PHKA1: variants seen among roughly 807,000 people sequenced by gnomAD.
The protein encoded by PHKA1 is phosphorylase kinase regulatory subunit alpha 1.
In PHKA1, 60 loss-of-function variants were observed where a neutral mutation model predicts 110.2. The ratio of observed to expected loss-of-function variants is 0.54; its 90% CI spans 0.44 to 0.68. The LOEUF (loss-of-function observed/expected upper bound fraction) is 0.68, where lower values mean the gene tolerates loss of function less well. PHKA1 is among the 30% of genes least tolerant of loss of function. The pLI, the probability that PHKA1 is intolerant of heterozygous loss-of-function variation, is 0.00. For synonymous variants in PHKA1, 316 were observed against 333.6 expected, an observed-to-expected ratio of 0.95 and a Z score of 0.58; for missense variants, 801 against 942.5, an observed-to-expected ratio of 0.85 and a Z score of 1.97.
intron 31 of PHKA1, 66 bp from the exon 32 acceptor site, chrX:72,581,241 G>T: frequency 2.9e-6 from 2 of 697,086 alleles, no homozygotes; most frequent in Non-Finnish European, 4.7e-6. Flanking sequence ...ACTAAGTAAA[G>T]TCCTGATTAG....
rs1556280161 is a variant in PHKA1, at chrX:72,623,254, T to C, written c.1815A>G (p.Ser605=). 1 of 1,208,222 alleles carries C rather than the reference T, an allele frequency of 8.3e-7. No individual in the cohort carries two copies. Among genetic ancestry groups the C allele is most frequent in the Non-Finnish European group, 1.1e-6 (1 of 894,175 alleles). Residue 605 remains serine (S), a synonymous_variant, in exon 18 of 32, where the codon TCA becomes TCG. Transcript: ENST00000373542. ...TGCAACAAGATGTTGTCAAAAACTC[T>C]GACAATTTACCTGTTTGAACCCTAA... ...GGARVQTGKL[S]EFLTTSCCTH... is the part of the protein sequence containing the mutation.
chrX:72,609,681 T>C lies in PHKA1; in HGVS notation c.2549A>G (p.His850Arg), dbSNP rs1220903108. The C allele has an allele frequency of 3.3e-6, 4 of 1,201,138 alleles. No individual in the cohort carries two copies. Among genetic ancestry groups the C allele is most frequent in the Non-Finnish European group, 1.1e-6 (1 of 887,166 alleles). Residue 850 changes from histidine to arginine, a missense_variant, in exon 23 of 32, where the codon CAC becomes CGC. Physicochemically the swap from His to Arg is conservative, Grantham distance 29. Transcript: ENST00000373542. ...LDEACTDLLS[H>R]QKHLTVGLPP... Reference sequence around the variant, plus strand: ...AAGTCCTACTGTCAAATGTTTCTGGTGGGAGAGAAGGTCTGTGCAGGCCTA... The same window carrying C: ...AAGTCCTACTGTCAAATGTTTCTGGCGGGAGAGAAGGTCTGTGCAGGCCTA...
chrX:72,674,056 G>A (rs1556310511), intron 6 of PHKA1, among the ~76,000 whole-genome samples: 4 of 104,405 alleles, frequency 3.8e-5, no homozygotes, highest in Non-Finnish European at 1.9e-5. Context: ...AGCATGTGGT[G>A]TTTGGATTTT....
intron 3 of PHKA1, among the ~76,000 whole-genome samples, chrX:72,701,548 G>A (rs1254582441): frequency 1.8e-5 from 2 of 111,145 alleles, no homozygotes; most frequent in Admixed American, 9.5e-5. Flanking sequence ...GTGAAACACC[G>A]TCCCTACTAA....
intron 17 of PHKA1, among the ~76,000 whole-genome samples, chrX:72,625,187 C>T (rs1462004210): frequency 9.0e-6 from 1 of 111,455 alleles, no homozygotes; most frequent in Non-Finnish European, 1.9e-5. Flanking sequence ...GTTTGGTGTA[C>T]AAACTATTTC....
intron 14 of PHKA1, among the ~76,000 whole-genome samples, chrX:72,639,717 A>G (rs1569438315): frequency 8.9e-6 from 1 of 111,819 alleles, no homozygotes; most frequent in Non-Finnish European, 1.9e-5. Flanking sequence ...TGGCAATCTT[A>G]CCTTTTTTTT....
At chrX:72,699,582 T>C (rs995541252) in intron 3 of PHKA1, among the ~76,000 whole-genome samples, 21 of 108,970 alleles carry the variant, frequency 1.9e-4, no homozygotes, top group Non-Finnish European at 3.6e-4. Flanking sequence ...TATTAAGTTT[T>C]GGTTTTGCTT....
intron 26 of PHKA1, among the ~76,000 whole-genome samples, chrX:72,602,602 C>T (rs1409748997): frequency 5.4e-5 from 6 of 111,682 alleles, no homozygotes; most frequent in African/African-American, 1.6e-4. Flanking sequence ...TCTACTTACC[C>T]TAACCTTGAA....
chrX:72,674,068 G>A (rs2053744172), intron 6 of PHKA1, among the ~76,000 whole-genome samples: 1 of 103,764 alleles, frequency 9.6e-6, no homozygotes, highest in South Asian at 4.5e-4. Context: ...TTGGATTTTT[G>A]TCCTTGGGAT....
At chrX:72,663,598 A>C (rs1556305236) in intron 8 of PHKA1, among the ~76,000 whole-genome samples, 1 of 111,427 alleles carries the variant, frequency 9.0e-6, no homozygotes, top group Non-Finnish European at 1.9e-5. Flanking sequence ...CAAAAGTCAA[A>C]GACAAAGAGA....
At chrX:72,614,134 A>G (rs967242024) in intron 21 of PHKA1, among the ~76,000 whole-genome samples, 2 of 112,259 alleles carry the variant, frequency 1.8e-5, no homozygotes, top group Non-Finnish European at 3.8e-5. Context: ...TGGCAATTAT[A>G]CTGTGCTTAT....
At chrX:72,691,841 G>C (rs965781517) in intron 4 of PHKA1, among the ~76,000 whole-genome samples, 1 of 111,769 alleles carries the variant, frequency 8.9e-6, no homozygotes, top group Non-Finnish European at 1.9e-5. Flanking sequence ...TCATTTATTT[G>C]ATGCCTTTTA....
chrX:72,649,861 G>A (rs1603263592), intron 13 of PHKA1, among the ~76,000 whole-genome samples: 1 of 109,907 alleles, frequency 9.1e-6, no homozygotes, highest in South Asian at 4.0e-4. Context: ...GCGTGGTGGT[G>A]CGCGACTGTG....
chrX:72,655,449 A>G (rs782074843), intron 10 of PHKA1, among the ~76,000 whole-genome samples: 1 of 111,878 alleles, frequency 8.9e-6, no homozygotes, highest in Admixed American at 9.4e-5. Flanking sequence ...CATACGTATC[A>G]TTATAGCAGA....
At chrX:72,675,377 G>C (rs1247536909) in intron 6 of PHKA1, among the ~76,000 whole-genome samples, 5 of 110,902 alleles carry the variant, frequency 4.5e-5, no homozygotes, top group African/African-American at 1.6e-4. Flanking sequence ...TTGTCAGACT[G>C]TATTTTGCTC....
At chrX:72,703,820 G>A (rs1194374180) in intron 3 of PHKA1, among the ~76,000 whole-genome samples, 1 of 111,958 alleles carries the variant, frequency 8.9e-6, no homozygotes, top group Non-Finnish European at 1.9e-5. Context: ...GTGCCTGTAG[G>A]CAGTCACTTT....
At chrX:72,658,320 G>A (rs782612398) in intron 8 of PHKA1, among the ~76,000 whole-genome samples, 1 of 110,105 alleles carries the variant, frequency 9.1e-6, no homozygotes. Flanking sequence ...TTAGCCAGGC[G>A]TGGTGGCACG....
intron 14 of PHKA1, among the ~76,000 whole-genome samples, chrX:72,640,075 A>G (rs1320165083): frequency 1.8e-5 from 2 of 112,172 alleles, no homozygotes; most frequent in Non-Finnish European, 3.8e-5. Context: ...GTAACCATAA[A>G]TAACAAAGAA....
chrX:72,637,352 T>G (rs1389844571), intron 14 of PHKA1, among the ~76,000 whole-genome samples: 3 of 112,259 alleles, frequency 2.7e-5, no homozygotes, highest in Non-Finnish European at 5.6e-5. Context: ...TCTTCAAAGT[T>G]CATCTATGTG....
Sources: gnomAD v4.1 joint callset for allele counts (sites outside exome capture counted in the v4.1 genomes callset) on GRCh38, gnomAD v4.1.1 for gene constraint, MANE v1.5 for transcripts, NCBI Gene and HGNC (gene_info 2026-07-23, HGNC 2026-07-21) for gene names.